PRELID3A: variants seen among roughly 807,000 people sequenced by gnomAD.
PRELID3A encodes PRELI domain containing protein 3A.
PRELID3A carries 27 observed loss-of-function variants against 23.0 expected under a neutral mutation model. The ratio of observed to expected loss-of-function variants is 1.17; its 90% CI spans 0.87 to 1.62. The LOEUF (loss-of-function observed/expected upper bound fraction) is 1.62. Among genes scored for constraint, PRELID3A ranks in the 40% most tolerant of loss-of-function variants. The probability of loss-of-function intolerance (pLI) is 0.00; values close to 1 mark genes in which losing one functional copy is unlikely to be tolerated. For missense variants in PRELID3A, 231 were observed against 231.4 expected (o/e 1.00, Z 0.01); for synonymous variants, 87 against 86.4 (o/e 1.01, Z -0.04).
intron 1 of PRELID3A, among the ~76,000 whole-genome samples, chr18:12,409,159 G>GTTTTTTTTTTTTTTTT (rs71371255): frequency 3.0e-5 from 2 of 66,472 alleles, no homozygotes; most frequent in African/African-American, 6.3e-5. Flanking sequence ...CCCAGGCTGG[G>GTTTTTTTTTTTTTTTT]TTTTTTTTTT....
intron 1 of PRELID3A, among the ~76,000 whole-genome samples, chr18:12,412,077 C>CT (rs1568159927): frequency 1.3e-5 from 2 of 151,624 alleles, no homozygotes; most frequent in African/African-American, 4.8e-5. Flanking sequence ...CGCCTGACTA[C>CT]TTTTTTGTAT....
chr18:12,409,316 G>A (rs1450605442), intron 1 of PRELID3A, among the ~76,000 whole-genome samples: 5 of 151,706 alleles, frequency 3.3e-5, no homozygotes, highest in African/African-American at 1.2e-4. Context: ...ACAGGTGTGG[G>A]CCATCACGCC....
intron 2 of PRELID3A, 47 bp downstream of exon 2, chr18:12,420,540 C>T: frequency 1.4e-6 from 2 of 1,452,798 alleles, no homozygotes; most frequent in Non-Finnish European, 1.8e-6. Flanking sequence ...GACTCCCCCA[C>T]TCCCGCCCCC....
intron 3 of PRELID3A, among the ~76,000 whole-genome samples, chr18:12,423,796 G>T (rs1194300723): frequency 6.6e-6 from 1 of 152,204 alleles, no homozygotes; most frequent in East Asian, 1.9e-4. Flanking sequence ...CATCTTCTCA[G>T]CATCTTGTGG....
intron 1 of PRELID3A, among the ~76,000 whole-genome samples, chr18:12,409,546 T>C (rs1909845446): frequency 6.6e-6 from 1 of 152,202 alleles, no homozygotes; most frequent in Admixed American, 6.5e-5. Flanking sequence ...ATGAAGTCTT[T>C]AGACTTGATG....
At chr18:12,425,417 A>G (rs182546860) in intron 3 of PRELID3A, among the ~76,000 whole-genome samples, 12,353 of 145,782 alleles carry the variant, frequency 0.085, 1,030 homozygotes, top group African/African-American at 0.22. Context: ...TCAGGAGATC[A>G]AGACCATCCT....
intron 1 of PRELID3A, 188 bp from the exon 2 acceptor site, chr18:12,420,137 C>G: frequency 1.4e-6 from 2 of 1,426,672 alleles, no homozygotes; most frequent in Non-Finnish European, 1.8e-6. Context: ...TGCCAGGTGC[C>G]GAGGCGTGCA....
chr18:12,421,401 G>T (rs1490613873), intron 2 of PRELID3A, 139 bp from the exon 3 acceptor site: 9 of 647,760 alleles, frequency 1.4e-5, no homozygotes, highest in South Asian at 1.9e-5. Flanking sequence ...GGACACAGGG[G>T]TTTTGTCTCT....
chr18:12,417,155 G>C (rs1316496878), intron 1 of PRELID3A, among the ~76,000 whole-genome samples: 1 of 152,044 alleles, frequency 6.6e-6, no homozygotes, highest in African/African-American at 2.4e-5. Context: ...TCATCAGCCA[G>C]AAAGATGCAA....
At chr18:12,413,863 C>T (rs1225684784) in intron 1 of PRELID3A, among the ~76,000 whole-genome samples, 1 of 152,326 alleles carries the variant, frequency 6.6e-6, no homozygotes, top group East Asian at 1.9e-4. Flanking sequence ...GGATTACAGG[C>T]GTGAGCCACC....
Position 12,421,635 on chromosome 18 carries a change from CA to C in PRELID3A, c.291+8del. ...TGGAACTTTGTTCTACCAATGTAAGCAATGGCCTCAGATGAGAAACGGGCTC... is the reference window on the plus strand; with the variant it reads ...TGGAACTTTGTTCTACCAATGTAAGCATGGCCTCAGATGAGAAACGGGCTC... On this transcript the variant is annotated splice_region_variant and intron_variant, in intron 3 of 6. Transcript: ENST00000440960. The C allele has an allele frequency of 6.3e-7, 1 of 1,595,608 alleles. No individual in the cohort carries two copies.
At chr18:12,427,955 T>A (rs1428797157) in intron 5 of PRELID3A, among the ~76,000 whole-genome samples, 1 of 152,192 alleles carries the variant, frequency 6.6e-6, no homozygotes, top group Non-Finnish European at 1.5e-5. Context: ...ATAAGCTCAG[T>A]TACCAAAGCA....
intron 3 of PRELID3A, among the ~76,000 whole-genome samples, chr18:12,423,059 G>T (rs2030242314): frequency 6.6e-6 from 1 of 152,158 alleles, no homozygotes; most frequent in Non-Finnish European, 1.5e-5. Context: ...GTGGCAGCGA[G>T]CAGGAGCTCC....
intron 1 of PRELID3A, among the ~76,000 whole-genome samples, chr18:12,414,909 G>C (rs1000349587): frequency 6.6e-6 from 1 of 152,148 alleles, no homozygotes; most frequent in Non-Finnish European, 1.5e-5. Flanking sequence ...CTACTATCTT[G>C]TTTTTGGCTG....
At chr18:12,424,316 T>G (rs1170664104) in intron 3 of PRELID3A, among the ~76,000 whole-genome samples, 1 of 152,380 alleles carries the variant, frequency 6.6e-6, no homozygotes, top group Non-Finnish European at 1.5e-5. Flanking sequence ...AAGACAGACA[T>G]GTGCTTGCAT....
chr18:12,412,016 TTCTCCTGCC>T (rs906608608), intron 1 of PRELID3A, among the ~76,000 whole-genome samples: 1 of 150,544 alleles, frequency 6.6e-6, no homozygotes, highest in Non-Finnish European at 1.5e-5. Context: ...GTTCACGCCA[TTCTCCTGCC>T]TCAGCCTCCA....
intron 1 of PRELID3A, among the ~76,000 whole-genome samples, chr18:12,418,565 C>A (rs1461729568): frequency 6.6e-6 from 1 of 152,206 alleles, no homozygotes; most frequent in Non-Finnish European, 1.5e-5. Context: ...TGCCTCTGGG[C>A]TGTGTCTATA....
chr18:12,420,217 G>C (rs2030111743), intron 1 of PRELID3A, 108 bp from the exon 2 acceptor site: 11 of 1,458,736 alleles, frequency 7.5e-6, no homozygotes, highest in Non-Finnish European at 1.0e-5. Context: ...TTTCATTAAA[G>C]TGAAGAGACT....
chr18:12,411,932 A>T (rs1909927764), intron 1 of PRELID3A, among the ~76,000 whole-genome samples: 1 of 136,640 alleles, frequency 7.3e-6, no homozygotes. Flanking sequence ...TTTTTTTGAG[A>T]CGGAGTCTCG....
Sources: allele counts gnomAD v4.1 joint callset (sites outside exome capture counted in the v4.1 genomes callset), GRCh38; gene constraint gnomAD v4.1.1; transcripts MANE v1.5; gene names NCBI Gene and HGNC (gene_info 2026-07-23, HGNC 2026-07-21).